LLGL2: variants seen among roughly 807,000 people sequenced by gnomAD.
LLGL2 encodes LLGL2, scribble cell polarity complex component.
Under a neutral mutation model 123.2 loss-of-function variants are expected in LLGL2, and 81 were observed. The observed-to-expected ratio is 0.66, with a 90% confidence interval of 0.55 to 0.79. LLGL2 has a LOEUF of 0.79. LLGL2 is among the 30% of genes least tolerant of loss of function. LLGL2 has a pLI of 0.00. For synonymous variants in LLGL2, 577 were observed against 594.1 expected (o/e 0.97, Z 0.42); for missense variants, 1,273 against 1,414.6 (o/e 0.90, Z 1.61).
At chr17:75,551,587 G>GT (rs2147289655) in intron 2 of LLGL2, among the ~76,000 whole-genome samples, 1 of 152,266 alleles carries the variant, frequency 6.6e-6, no homozygotes, top group East Asian at 1.9e-4. Context: ...CTTCCTCTGA[G>GT]TTAGAGGAAA....
chr17:75,535,853 T>G (rs993277897), intron 1 of LLGL2, among the ~76,000 whole-genome samples: 1 of 152,214 alleles, frequency 6.6e-6, no homozygotes, highest in African/African-American at 2.4e-5. Flanking sequence ...TGTGGACACC[T>G]GTCCTAGACC....
intron 2 of LLGL2, among the ~76,000 whole-genome samples, chr17:75,554,354 G>A (rs2147321692): frequency 6.6e-6 from 1 of 151,394 alleles, no homozygotes; most frequent in African/African-American, 2.4e-5. Flanking sequence ...ACTCACGCCT[G>A]TAATCCCAGC....
chr17:75,545,673 A>G (rs545768368), intron 2 of LLGL2, among the ~76,000 whole-genome samples: 1 of 152,202 alleles, frequency 6.6e-6, no homozygotes, highest in Non-Finnish European at 1.5e-5. Flanking sequence ...GGTTGTGAGC[A>G]AGGGAGTGAA....
chr17:75,567,456 C>T (rs1318547790), intron 10 of LLGL2, among the ~76,000 whole-genome samples: 1 of 149,792 alleles, frequency 6.7e-6, no homozygotes, highest in East Asian at 2.0e-4. Context: ...AAGAGCGAAA[C>T]TCCGTCTCAA....
chr17:75,532,379 T>C (rs2053832554), intron 1 of LLGL2: 1 of 152,110 alleles, frequency 6.6e-6, no homozygotes. Context: ...GGCTCCCGAG[T>C]AGCTGGGATT....
chr17:75,562,045 C>T (rs2055242998), intron 6 of LLGL2, among the ~76,000 whole-genome samples: 1 of 152,186 alleles, frequency 6.6e-6, no homozygotes, highest in East Asian at 1.9e-4. Flanking sequence ...ATGTGGAGAG[C>T]TTGGGTTTAG....
intron 23 of LLGL2, 25 bp downstream of exon 23, chr17:75,574,285 GCTGGCA>G: frequency 6.9e-7 from 1 of 1,457,434 alleles, no homozygotes; most frequent in Non-Finnish European, 9.3e-7. Context: ...AGAGGGTGGG[GCTGGCA>G]GGAGGGGTGG....
chr17:75,568,231 C>G, intron 10 of LLGL2: 1 of 1,410,110 alleles, frequency 7.1e-7, no homozygotes, highest in Non-Finnish European at 9.2e-7. Flanking sequence ...GGGACCCTGC[C>G]TTCCAGCCAG....
Position 75,533,275 on chromosome 17 carries a change from A to G in LLGL2, c.-31+7450A>G, listed in dbSNP as rs2053875156. 2.1e-5 allele frequency among the ~76,000 whole-genome samples: 3 copies of G among 139,832 alleles called. No individual in the cohort carries two copies. The South Asian group carries it at 6.8e-4, about 32-fold the overall frequency. The allele number at this position is 139,832 out of a possible 152,430, so 91.7% of individuals were successfully genotyped here. On this transcript the variant is annotated intron_variant, in intron 1 of 25. Coordinates refer to ENST00000392550, the MANE Select transcript of LLGL2 (RefSeq NM_001031803.2). ...CAGCCTCCCAAAATGCTGGGATTAC[A>G]GGCGTGAGCCACCGCACCTGGCCCT... is the stretch of plus-strand genomic sequence containing the variant.
At chr17:75,570,288 A>G in intron 15 of LLGL2, 33 bp downstream of exon 15, 1 of 1,598,658 alleles carries the variant, frequency 6.3e-7, no homozygotes, top group Non-Finnish European at 8.5e-7. Context: ...CGGGGCTGGG[A>G]GTGGGGCCCG....
rs2055913488 is a variant in LLGL2, at chr17:75,575,122, C to T, written c.*244C>T. The T allele has an allele frequency of 1.7e-5, 10 of 596,334 alleles. No individual in the cohort carries two copies. The South Asian group carries it at 1.8e-4, about 11-fold the overall frequency. 36.9% of individuals were successfully genotyped at this position (596,334 alleles called of 1,614,324 possible). Reference sequence around the variant, plus strand: ...GTTGCACAGTTTTTATTGCTCCCATCCCTTTTTGTAGTGGGCTGGGTTTTA... The same window carrying T: ...GTTGCACAGTTTTTATTGCTCCCATTCCTTTTTGTAGTGGGCTGGGTTTTA... On this transcript the variant is annotated 3_prime_UTR_variant, in exon 26 of 26. Coordinates refer to ENST00000392550, the MANE Select transcript of LLGL2 (RefSeq NM_001031803.2).
At chr17:75,534,490 T>C (rs1222346495) in intron 1 of LLGL2, among the ~76,000 whole-genome samples, 1 of 152,124 alleles carries the variant, frequency 6.6e-6, no homozygotes, top group Non-Finnish European at 1.5e-5. Flanking sequence ...TTTTTTTTTT[T>C]CTTTTTTTGA....
rs1417467198 is a variant in LLGL2 at position 75,559,181 on chromosome 17, CAG to C, written c.372-70_372-69del. 74 of 1,467,606 alleles carry C rather than the reference CAG, an allele frequency of 5.0e-5. No homozygotes were observed. In the Admixed American group the frequency reaches 6.5e-4, roughly 13 times the overall value. The allele number at this position is 1,467,606 out of a possible 1,614,324, so 90.9% of individuals were successfully genotyped here. On this transcript the variant is annotated intron_variant, in intron 5 of 25. Coordinates refer to ENST00000392550, the MANE Select transcript of LLGL2 (RefSeq NM_001031803.2). This position sits in a 1 kb window ranked among gnomAD's most constrained non-coding sequence, Gnocchi z 4.6. ...CTTATGGGCTTGTTTTCCGAGGAGT[CAG>C]GGGACCCCGTCCATGGCATCTCCCC...
chr17:75,527,140 G>A (rs1054006411), intron 1 of LLGL2, among the ~76,000 whole-genome samples: 1 of 145,282 alleles, frequency 6.9e-6, no homozygotes, highest in Non-Finnish European at 1.5e-5. Context: ...CCACACTCCA[G>A]CCTGGGGACA....
upstream of LLGL2, chr17:75,525,100 T>A (rs2147024821): frequency 6.5e-6 from 1 of 154,270 alleles, no homozygotes; most frequent in East Asian, 1.9e-4. The surrounding 1 kb of genome is among the most constrained non-coding windows in gnomAD (Gnocchi z 4.8). Context: ...CCGCCTCTCG[T>A]CGCTCCAACC....
Position 75,575,075 on chromosome 17 carries a change from C to A in LLGL2, c.*197C>A. On this transcript the variant is annotated 3_prime_UTR_variant, in exon 26 of 26. Transcript: ENST00000392550. ...CTGGGCTGCCCTTCCCGGGCCTCGT[C>A]TGTCTGGGTCCTTTGGTCAATGTTG... 2 of 685,480 alleles carry A rather than the reference C, an allele frequency of 2.9e-6. No individual in the cohort carries two copies. Among genetic ancestry groups the A allele is most frequent in the Non-Finnish European group, 5.2e-6 (2 of 387,856 alleles). 42.5% of individuals were successfully genotyped at this position (685,480 alleles called of 1,614,324 possible). A position where few individuals can be genotyped will look rare whatever the true frequency, so the allele number is the denominator to read the frequency against.
chr17:75,531,285 T>C (rs1048957871), intron 1 of LLGL2, among the ~76,000 whole-genome samples: 16 of 152,196 alleles, frequency 1.1e-4, no homozygotes, highest in Admixed American at 5.9e-4. Context: ...CTGCCCGCAC[T>C]GTGGGAGATC....
intron 10 of LLGL2, among the ~76,000 whole-genome samples, chr17:75,565,223 G>T (rs1246405014): frequency 6.6e-6 from 1 of 152,256 alleles, no homozygotes; most frequent in East Asian, 1.9e-4. Flanking sequence ...GACCGGCAGA[G>T]CCCTGAGTCA....
At chr17:75,543,997 T>C (rs2054313537) in intron 2 of LLGL2, among the ~76,000 whole-genome samples, 1 of 152,164 alleles carries the variant, frequency 6.6e-6, no homozygotes, top group South Asian at 2.1e-4. Context: ...CGTGATTCCT[T>C]CTGGCTCCGG....
Sources: allele counts gnomAD v4.1 joint callset (sites outside exome capture counted in the v4.1 genomes callset), GRCh38; gene constraint gnomAD v4.1.1; non-coding constraint Gnocchi (gnomAD v3.1); transcripts MANE v1.5; gene names NCBI Gene and HGNC (gene_info 2026-07-23, HGNC 2026-07-21).